The following HYAL4 variants were observed in gnomAD, a reference collection of about 807,000 sequenced individuals.
HYAL4 encodes the protein hyaluronidase 4.
In HYAL4, 37 loss-of-function variants were observed where a neutral mutation model predicts 35.2. The ratio of observed to expected loss-of-function variants is 1.05; its 90% CI spans 0.81 to 1.38. HYAL4 has a LOEUF of 1.38. Among genes scored for constraint, HYAL4 ranks in the 40% most tolerant of loss-of-function variants. HYAL4 has a pLI of 0.00. For synonymous variants in HYAL4, 198 were observed against 203.2 expected, an observed-to-expected ratio of 0.97 and a Z score of 0.22; for missense variants, 572 against 572.4, an observed-to-expected ratio of 1.00 and a Z score of 0.01.
the HYAL4 span, among the ~76,000 whole-genome samples, chr7:123,800,033 G>A: frequency 3.3e-5 from 5 of 152,082 alleles, no homozygotes; most frequent in East Asian, 9.7e-4. Flanking sequence ...ATGGTGGTGC[G>A]CCTGTAGTTT....
the HYAL4 span, among the ~76,000 whole-genome samples, chr7:123,779,128 ATTG>A: frequency 3.3e-5 from 5 of 152,184 alleles, no homozygotes; most frequent in African/African-American, 7.2e-5. Context: ...ACTAAACTTT[ATTG>A]TTATTTTAAA....
In HYAL4 at chr7:123,877,235, T is replaced by C; in HGVS notation, c.*80T>C. On this transcript the variant is annotated 3_prime_UTR_variant, in exon 5 of 5. Coordinates refer to ENST00000223026, the MANE Select transcript of HYAL4 (RefSeq NM_012269.3). ...GATGTAACTTATAACATTTTTTTTCTCTTATGAATTCTATTGAGAGATATT... is the reference window on the plus strand; with the variant it reads ...GATGTAACTTATAACATTTTTTTTCCCTTATGAATTCTATTGAGAGATATT... The C allele has an allele frequency of 7.6e-7, 1 of 1,313,690 alleles. No individual in the cohort carries two copies. Among genetic ancestry groups the C allele is most frequent in the Non-Finnish European group, 1.0e-6 (1 of 952,388 alleles). The allele number at this position is 1,313,690 out of a possible 1,614,324, so 81.4% of individuals were successfully genotyped here. A position where few individuals can be genotyped will look rare whatever the true frequency, so the allele number is the denominator to read the frequency against.
chr7:123,807,392 T>A, the HYAL4 span, among the ~76,000 whole-genome samples: 1 of 151,650 alleles, frequency 6.6e-6, no homozygotes, highest in Non-Finnish European at 1.5e-5. Flanking sequence ...AACTTCCTTT[T>A]AAAAAATTTT....
the HYAL4 span, among the ~76,000 whole-genome samples, chr7:123,807,192 A>C: frequency 0.51 from 77,005 of 151,960 alleles, 20,301 homozygotes; most frequent in Non-Finnish European, 0.58. Flanking sequence ...TAAATTTCTC[A>C]TCAGAAATTT....
chr7:123,804,015 A>G, the HYAL4 span, among the ~76,000 whole-genome samples: 1 of 152,300 alleles, frequency 6.6e-6, no homozygotes, highest in African/African-American at 2.4e-5. Flanking sequence ...TCCACATAAT[A>G]TGTAGGTTAT....
the HYAL4 span, among the ~76,000 whole-genome samples, chr7:123,811,072 T>A: frequency 1.8e-4 from 27 of 152,324 alleles, no homozygotes; most frequent in Admixed American, 1.1e-3. Flanking sequence ...GTACCACAGT[T>A]CATTTATCTA....
chr7:123,772,946 G>T, the HYAL4 span, among the ~76,000 whole-genome samples: 1 of 152,192 alleles, frequency 6.6e-6, no homozygotes, highest in Admixed American at 6.5e-5. Context: ...CCATGAAAAA[G>T]AACTGATAGT....
At chr7:123,872,511 A>T (rs1483352989) in intron 3 of HYAL4, among the ~76,000 whole-genome samples, 10 of 152,214 alleles carry the variant, frequency 6.6e-5, no homozygotes, top group African/African-American at 2.4e-4. Flanking sequence ...GTGTTGAGTG[A>T]ATCCCCTGAG....
the HYAL4 span, among the ~76,000 whole-genome samples, chr7:123,768,719 C>A: frequency 6.6e-6 from 1 of 152,124 alleles, no homozygotes; most frequent in Admixed American, 6.5e-5. Flanking sequence ...GAACATGTGA[C>A]ACAACTCAGG....
At position 123,868,692 on chromosome 7, in the gene HYAL4, G is replaced by T. The variant is rs758644949; in HGVS notation, c.419G>T (p.Gly140Val). The T allele has an allele frequency of 4.3e-6, 7 of 1,613,774 alleles. No individual in the cohort carries two copies. The highest frequency in any genetic ancestry group is 1.7e-4 in the Middle Eastern group (1 of 6,060). The change falls in exon 3 of 5, where the codon GGA (glycine) becomes GTA (valine). Residue 140 changes from glycine (G) to valine (V), a missense_variant. Transcript: ENST00000223026. ...NYYIPAEDFS[G>V]LAVIDWEYWR... ...TACATCCCTGCTGAAGATTTCAGTGGACTTGCTGTTATAGATTGGGAATAT... is the reference window on the plus strand; with the variant it reads ...TACATCCCTGCTGAAGATTTCAGTGTACTTGCTGTTATAGATTGGGAATAT...
the HYAL4 span, among the ~76,000 whole-genome samples, chr7:123,808,011 A>G: frequency 6.6e-6 from 1 of 150,690 alleles, no homozygotes; most frequent in Non-Finnish European, 1.5e-5. Flanking sequence ...TTGGGCTCAA[A>G]CAATACTCCC....
the HYAL4 span, among the ~76,000 whole-genome samples, chr7:123,787,656 A>G: frequency 6.6e-6 from 1 of 152,100 alleles, no homozygotes; most frequent in South Asian, 2.1e-4. Context: ...ATCAATTTCA[A>G]ACAATAACCT....
chr7:123,770,342 T>TGAGGCAG, the HYAL4 span, among the ~76,000 whole-genome samples: 1 of 151,088 alleles, frequency 6.6e-6, no homozygotes, highest in Non-Finnish European at 1.5e-5. Flanking sequence ...CTTGGGAGGC[T>TGAGGCAG]GAGGCAGGAG....
Position 123,861,074 on chromosome 7 carries a change from C to G in HYAL4, c.-51-7149C>G, listed in dbSNP as rs949407239. The stretch of plus-strand genomic sequence containing the variant: ...CAAATGTTTGCCTTTCCTCTCCACT[C>G]TTGTACTCTTAACATTGAGAGCTAG... On this transcript the variant is annotated intron_variant, in intron 2 of 4. Transcript: ENST00000223026. 2.6e-5 allele frequency among the ~76,000 whole-genome samples: 4 copies of G among 152,138 alleles called. No homozygotes were observed. In the East Asian group the frequency reaches 7.7e-4, roughly 29 times the overall value.
At chr7:123,817,989 T>C in the HYAL4 span, among the ~76,000 whole-genome samples, 3 of 151,810 alleles carry the variant, frequency 2.0e-5, no homozygotes, top group Non-Finnish European at 4.4e-5. Flanking sequence ...GAGACTCTCC[T>C]GCCTCAGCCT....
chr7:123,861,581 T>C (rs951009610), intron 2 of HYAL4, among the ~76,000 whole-genome samples: 10 of 152,184 alleles, frequency 6.6e-5, no homozygotes, highest in African/African-American at 2.4e-4. Context: ...TTAAACCTCT[T>C]TCAGATTGTA....
chr7:123,830,167 A>C (rs1805859140), intron 1 of HYAL4, among the ~76,000 whole-genome samples: 1 of 152,182 alleles, frequency 6.6e-6, no homozygotes, highest in Non-Finnish European at 1.5e-5. Flanking sequence ...GTCGTAGTTT[A>C]TTTTAACTTG....
the HYAL4 span, among the ~76,000 whole-genome samples, chr7:123,817,528 T>TTTTTTTG: frequency 6.7e-6 from 1 of 149,832 alleles, no homozygotes. Flanking sequence ...TTTTTTTTTT[T>TTTTTTTG]GAGATGGAGT....
At chr7:123,821,599 A>C in the HYAL4 span, among the ~76,000 whole-genome samples, 1 of 152,126 alleles carries the variant, frequency 6.6e-6, no homozygotes, top group Non-Finnish European at 1.5e-5. Flanking sequence ...TCTGTAGGTT[A>C]TCTCTTCATA....
Sources: allele counts gnomAD v4.1 joint callset (sites outside exome capture counted in the v4.1 genomes callset), GRCh38; gene constraint gnomAD v4.1.1; transcripts MANE v1.5; gene names NCBI Gene and HGNC (gene_info 2026-07-23, HGNC 2026-07-21).